Variants in POLR2F observed in about 807,000 individuals in gnomAD.
POLR2F encodes the protein RNA polymerase II, I and III subunit F, also known as DNA-directed RNA polymerases I, II, and III subunit RPABC2.
In POLR2F, 12 loss-of-function variants were observed where a neutral mutation model predicts 22.7. The observed-to-expected ratio is 0.53, with a 90% CI of 0.34 to 0.86. POLR2F has a LOEUF of 0.86. Ranked by LOEUF, POLR2F falls within the 40% of genes least tolerant of loss-of-function variation. The pLI, the probability that POLR2F is intolerant of heterozygous loss-of-function variation, is 0.02. For synonymous variants in POLR2F, 57 were observed against 66.0 expected (o/e 0.86, Z 0.66); for missense variants, 126 against 171.5 (o/e 0.73, Z 1.48).
chr22:37,977,370 G>A (rs1487358370), intron 4 of POLR2F, among the ~76,000 whole-genome samples: 1 of 151,162 alleles, frequency 6.6e-6, no homozygotes, highest in Non-Finnish European at 1.5e-5. Context: ...GCCCAGGCTG[G>A]AGTGCAGTGG....
At chr22:37,972,958 C>A (rs565069012), downstream of POLR2F, 1 of 155,500 alleles carries the variant, frequency 6.4e-6, no homozygotes, top group Admixed American at 6.3e-5. Context: ...TCGAACCCCC[C>A]ACTCCCCAAT....
At chr22:38,014,956 C>T (rs1239556977) in intron 1 of POLR2F, among the ~76,000 whole-genome samples, 4 of 151,560 alleles carry the variant, frequency 2.6e-5, no homozygotes, top group Admixed American at 6.6e-5. Flanking sequence ...TACAGGTGTC[C>T]GCCACCACGC....
chr22:37,960,398 ATTTTTTC>A (rs1296976954), intron 3 of POLR2F, among the ~76,000 whole-genome samples: 3 of 148,864 alleles, frequency 2.0e-5, no homozygotes, highest in Admixed American at 1.3e-4. Flanking sequence ...TAATTTTTGT[ATTTTTTC>A]TTTTTTCTTT....
chr22:38,012,673 C>G (rs944429452), intron 1 of POLR2F, among the ~76,000 whole-genome samples: 2 of 152,194 alleles, frequency 1.3e-5, no homozygotes, highest in Admixed American at 1.3e-4. Context: ...AGGTCTCCCC[C>G]TAACTGTTGA....
Position 37,978,025 on chromosome 22 carries a change from T to C in POLR2F, c.293+10855T>C, listed in dbSNP as rs146131921. Reference sequence around the variant, plus strand: ...CGCCTCGCCCTGGGCGGCCTTCCCGTTCTTCCGCCGCCTGGGCTGGTACTT... The same window carrying C: ...CGCCTCGCCCTGGGCGGCCTTCCCGCTCTTCCGCCGCCTGGGCTGGTACTT... On this transcript the variant is annotated intron_variant, in intron 4 of 4. Coordinates refer to the POLR2F transcript ENST00000405557. This position sits in a 1 kb window ranked among gnomAD's most constrained non-coding sequence, Gnocchi z 5.0. 6.2e-7 allele frequency: 1 copy of C among 1,611,558 alleles called. No homozygotes were observed. The highest frequency in any genetic ancestry group is 1.3e-5 in the African/African-American group (1 of 74,930).
Position 37,978,250 on chromosome 22 carries a change from G to A in POLR2F, c.293+11080G>A, listed in dbSNP as rs1932285874. On this transcript the variant is annotated intron_variant, in intron 4 of 4. Transcript: ENST00000405557. The surrounding 1 kb of genome is among the most constrained non-coding windows in gnomAD (Gnocchi z 5.0). ...TTGGAAGATGTGAGGCCCTGGGATG[G>A]GGCACCCAGAGGACAGGACCCGGGG... 5.9e-6 allele frequency: 7 copies of A among 1,195,580 alleles called. No homozygotes were observed. In the South Asian group the frequency reaches 1.1e-4, roughly 19 times the overall value. 74.1% of individuals were successfully genotyped at this position (1,195,580 alleles called of 1,614,324 possible).
chr22:37,956,878 C>CTG, intron 2 of POLR2F, 36 bp downstream of exon 2: 1 of 1,509,038 alleles, frequency 6.6e-7, no homozygotes, highest in Non-Finnish European at 9.2e-7. Context: ...CCTCTGCAGC[C>CTG]CAAGCTGCCA....
chr22:37,961,193 C>T (rs1212605644), intron 3 of POLR2F, among the ~76,000 whole-genome samples: 1 of 152,182 alleles, frequency 6.6e-6, no homozygotes, highest in Non-Finnish European at 1.5e-5. Flanking sequence ...TAGCTTCAAG[C>T]TGGGATTACA....
intron 5 of POLR2F, chr22:38,032,129 C>T (rs888421657): frequency 1.3e-5 from 2 of 152,206 alleles, no homozygotes; most frequent in South Asian, 2.1e-4. Context: ...TTCCAAATAG[C>T]TGGAAGCCTA....
At chr22:37,983,668 T>TCCGCCG (rs759284353), upstream of POLR2F, 6 of 1,579,498 alleles carry the variant, frequency 3.8e-6, no homozygotes, top group South Asian at 3.4e-5. This position sits in a 1 kb window ranked among gnomAD's most constrained non-coding sequence, Gnocchi z 9.5. Flanking sequence ...GCAGGCCCGA[T>TCCGCCG]CCGCCGCCGC....
In POLR2F at chr22:37,968,312, C is replaced by T; in HGVS notation, c.*597C>T. ...CAGCAGCTGGAGCAAGGACCGAGCACCTGCCTACCCCTGCCCCCATGGCTC... is the reference window on the plus strand; with the variant it reads ...CAGCAGCTGGAGCAAGGACCGAGCATCTGCCTACCCCTGCCCCCATGGCTC... On this transcript the variant is annotated 3_prime_UTR_variant, in exon 5 of 5. Transcript: ENST00000442738. 1 of 985,820 alleles carries T rather than the reference C, an allele frequency of 1.0e-6. No individual in the cohort carries two copies. The highest frequency in any genetic ancestry group is 1.2e-6 in the Non-Finnish European group (1 of 830,158). The allele number at this position is 985,820 out of a possible 1,614,324, so 61.1% of individuals were successfully genotyped here.
At chr22:37,973,536 G>T, downstream of POLR2F, 1 of 1,611,402 alleles carries the variant, frequency 6.2e-7, no homozygotes. Context: ...TGCTCCCAGT[G>T]TGTGGGGCTG....
chr22:37,953,945 G>A, intron 1 of POLR2F, 138 bp downstream of exon 1: 2 of 1,070,880 alleles, frequency 1.9e-6, no homozygotes, highest in Non-Finnish European at 2.6e-6. Context: ...GCGGAGCCGA[G>A]GAAGGGAAGG....
rs561330803 is a variant in POLR2F, at chr22:37,977,487, A to AT, written c.293+10325dup. Among the ~76,000 whole-genome samples, 35 of 151,684 alleles carry AT rather than the reference A, an allele frequency of 2.3e-4. No homozygotes were observed. In the South Asian group the frequency reaches 7.1e-3, roughly 31 times the overall value. On this transcript the variant is annotated intron_variant, in intron 4 of 4. Coordinates refer to the POLR2F transcript ENST00000405557. ...AGGTGCTCGCCACCACGCCCAGCTA[A>AT]TTTTTTTTATTTTTAGTAGAGATGG...
At chr22:37,954,153 C>T (rs970972241) in intron 1 of POLR2F, among the ~76,000 whole-genome samples, 4 of 152,076 alleles carry the variant, frequency 2.6e-5, no homozygotes, top group Non-Finnish European at 5.9e-5. Flanking sequence ...AAAGGGGTCA[C>T]AGGCCCATAA....
At chr22:37,982,528 C>G (rs1401929285), upstream of POLR2F, among the ~76,000 whole-genome samples, 1 of 152,162 alleles carries the variant, frequency 6.6e-6, no homozygotes, top group Non-Finnish European at 1.5e-5. Context: ...CCCAGGGAAC[C>G]TGGGACTCTG....
At chr22:37,986,048 CAG>C, upstream of POLR2F, 1 of 1,417,526 alleles carries the variant, frequency 7.1e-7, no homozygotes, top group Non-Finnish European at 9.2e-7. The surrounding 1 kb of genome is among the most constrained non-coding windows in gnomAD (Gnocchi z 4.7). Context: ...TCCCTGTGCC[CAG>C]ACTCTTGTTC....
upstream of POLR2F, chr22:37,983,719 G>A (rs1474044555): frequency 6.7e-7 from 1 of 1,493,776 alleles, no homozygotes; most frequent in South Asian, 1.3e-5. The surrounding 1 kb of genome is among the most constrained non-coding windows in gnomAD (Gnocchi z 9.5). Context: ...CCGGGGACAG[G>A]CAGCGGGGCT....
At chr22:38,006,829 G>T (rs1310719626) in intron 1 of POLR2F, among the ~76,000 whole-genome samples, 2 of 152,174 alleles carry the variant, frequency 1.3e-5, no homozygotes, top group Non-Finnish European at 2.9e-5. Context: ...TTCCACATCT[G>T]CATGGTGGGG....
Sources: gnomAD v4.1 joint callset for allele counts (sites outside exome capture counted in the v4.1 genomes callset) on GRCh38, gnomAD v4.1.1 for gene constraint, Gnocchi (gnomAD v3.1) non-coding constraint, MANE v1.5 for transcripts, NCBI Gene and HGNC (gene_info 2026-07-23, HGNC 2026-07-21) for gene names.